Variants in KCNIP4 observed in about 807,000 individuals in gnomAD.
The protein encoded by KCNIP4 is Kv channel-interacting protein 4.
KCNIP4 carries 12 observed loss-of-function variants against 34.0 expected under a neutral mutation model. The observed-to-expected ratio is 0.35, with a 90% CI of 0.23 to 0.57. The LOEUF is 0.57. Ranked by LOEUF, KCNIP4 falls within the 20% of genes least tolerant of loss-of-function variation. KCNIP4 has a pLI of 0.83. For missense variants in KCNIP4, 238 were observed against 311.7 expected, an observed-to-expected ratio of 0.76 and a Z score of 1.78; for synonymous variants, 124 against 102.2, an observed-to-expected ratio of 1.21 and a Z score of -1.29.
intron 1 of KCNIP4, among the ~76,000 whole-genome samples, chr4:21,355,426 G>A (rs1214281006): frequency 1.3e-5 from 2 of 152,030 alleles, no homozygotes; most frequent in Non-Finnish European, 2.9e-5. Context: ...AAGAAGAAAA[G>A]AGAGAAGAAT....
At chr4:20,801,104 C>T (rs1341690387) in intron 3 of KCNIP4, among the ~76,000 whole-genome samples, 1 of 152,074 alleles carries the variant, frequency 6.6e-6, no homozygotes, top group Non-Finnish European at 1.5e-5. Context: ...AGAAACTTTG[C>T]AGACAAGGAG....
intron 1 of KCNIP4, among the ~76,000 whole-genome samples, chr4:21,123,071 G>A (rs1207045536): frequency 2.6e-5 from 4 of 152,022 alleles, no homozygotes; most frequent in East Asian, 1.9e-4. Flanking sequence ...AAAATTAACC[G>A]GACTTGGTGG....
chr4:21,830,285 A>T (rs1722903665), intron 1 of KCNIP4, among the ~76,000 whole-genome samples: 1 of 152,180 alleles, frequency 6.6e-6, no homozygotes, highest in South Asian at 2.1e-4. Context: ...CATCAGGAGA[A>T]TATAACAATT....
At chr4:20,989,955 TCAAAAACAAAA>T (rs1429054859) in intron 1 of KCNIP4, among the ~76,000 whole-genome samples, 2 of 152,016 alleles carry the variant, frequency 1.3e-5, no homozygotes, top group African/African-American at 2.4e-5. Flanking sequence ...AGACCCTGTC[TCAAAAACAAAA>T]CAAAAACAAA....
intron 1 of KCNIP4, among the ~76,000 whole-genome samples, chr4:21,026,845 G>A (rs534972476): frequency 3.2e-4 from 48 of 152,212 alleles, no homozygotes; most frequent in Admixed American, 2.7e-3. Context: ...AGGTGACAAT[G>A]GCCAGTCATA....
intron 1 of KCNIP4, among the ~76,000 whole-genome samples, chr4:21,010,198 A>C (rs1738946261): frequency 6.6e-6 from 1 of 152,192 alleles, no homozygotes; most frequent in African/African-American, 2.4e-5. Context: ...CCAAACAATG[A>C]AAAAGCACAA....
chr4:21,616,224 C>T (rs1744595530), intron 1 of KCNIP4, among the ~76,000 whole-genome samples: 1 of 152,094 alleles, frequency 6.6e-6, no homozygotes, highest in Non-Finnish European at 1.5e-5. Flanking sequence ...AATGTTTTTC[C>T]AAGACTGATA....
At chr4:20,981,529 T>C (rs116374154) in intron 1 of KCNIP4, among the ~76,000 whole-genome samples, 210 of 152,336 alleles carry the variant, frequency 1.4e-3, no homozygotes, top group African/African-American at 4.8e-3. Context: ...GGAAAAGCAC[T>C]GTGTAGGATT....
intron 1 of KCNIP4, among the ~76,000 whole-genome samples, chr4:21,050,350 G>A (rs989696518): frequency 2.0e-5 from 3 of 151,906 alleles, no homozygotes; most frequent in Admixed American, 2.0e-4. Context: ...TAAAATAATT[G>A]GAGAGTAAAT....
intron 1 of KCNIP4, among the ~76,000 whole-genome samples, chr4:21,483,514 G>A (rs996562603): frequency 1.3e-5 from 2 of 152,072 alleles, no homozygotes; most frequent in South Asian, 2.1e-4. Flanking sequence ...TGTGGGCCGG[G>A]CGTGGTGGTG....
intron 1 of KCNIP4, among the ~76,000 whole-genome samples, chr4:21,915,225 C>T (rs1268373516): frequency 6.6e-6 from 1 of 152,144 alleles, no homozygotes; most frequent in Non-Finnish European, 1.5e-5. Flanking sequence ...TAAAATTTTA[C>T]TCACAAAATT....
chr4:21,479,152 C>T lies in KCNIP4; in HGVS notation c.61+469419G>A, dbSNP rs76148634. Among the ~76,000 whole-genome samples the T allele has an allele frequency of 4.0e-3, 603 of 152,238 alleles. 5 individuals carry two copies. The highest frequency in any genetic ancestry group is 0.014 in the African/African-American group (579 of 41,556). The stretch of plus-strand genomic sequence containing the variant: ...ATTCAAAGCAAACCAAAATGTGGGC[C>T]AGCCCAGTATCTGCAGGGCATAAGT... On this transcript the variant is annotated intron_variant, in intron 1 of 8. Coordinates refer to ENST00000382152, the MANE Select transcript of KCNIP4 (RefSeq NM_025221.6).
chr4:21,155,228 T>C (rs1037910847), intron 1 of KCNIP4, among the ~76,000 whole-genome samples: 4 of 152,124 alleles, frequency 2.6e-5, no homozygotes, highest in Non-Finnish European at 5.9e-5. Context: ...GAAATTAATA[T>C]CCATCGGTTT....
chr4:20,819,018 G>A (rs563744970), intron 3 of KCNIP4, among the ~76,000 whole-genome samples: 53 of 144,948 alleles, frequency 3.7e-4, no homozygotes, highest in Admixed American at 6.5e-4. Context: ...CTGAGTAGCT[G>A]GGGTTACAGG....
chr4:21,730,601 A>C (rs1398136284), intron 1 of KCNIP4, among the ~76,000 whole-genome samples: 2 of 152,192 alleles, frequency 1.3e-5, no homozygotes, highest in Non-Finnish European at 2.9e-5. Flanking sequence ...ATGAAAAATA[A>C]GTTTCATGAG....
chr4:21,571,804 A>C (rs968806309), intron 1 of KCNIP4, among the ~76,000 whole-genome samples: 5 of 152,176 alleles, frequency 3.3e-5, no homozygotes, highest in Non-Finnish European at 7.3e-5. Flanking sequence ...GTGTCCACAC[A>C]AATGCAAAAT....
chr4:21,830,087 C>T (rs765121619), intron 1 of KCNIP4, among the ~76,000 whole-genome samples: 1 of 152,070 alleles, frequency 6.6e-6, no homozygotes, highest in African/African-American at 2.4e-5. Flanking sequence ...GTACATGCAG[C>T]CTACCTACCA....
Position 21,021,249 on chromosome 4 carries a change from C to T in KCNIP4, c.62-138540G>A, listed in dbSNP as rs192191137. 1.9e-3 allele frequency among the ~76,000 whole-genome samples: 289 copies of T among 152,216 alleles called. 6 individuals are homozygous for T. The South Asian group carries it at 0.053, about 28-fold the overall frequency. On this transcript the variant is annotated intron_variant, in intron 1 of 8. Transcript: ENST00000382152. ...GTCCAAAAATAATACACCTGTATAGCACATTTACTGTGAATGGAGCTTGTA... is the reference window on the plus strand; with the variant it reads ...GTCCAAAAATAATACACCTGTATAGTACATTTACTGTGAATGGAGCTTGTA...
At chr4:21,320,219 C>G (rs1225351419) in intron 1 of KCNIP4, among the ~76,000 whole-genome samples, 1 of 152,168 alleles carries the variant, frequency 6.6e-6, no homozygotes, top group African/African-American at 2.4e-5. Context: ...TTCAAGGAAG[C>G]AGATAAGCAG....
Sources: allele counts gnomAD v4.1 joint callset (sites outside exome capture counted in the v4.1 genomes callset), GRCh38; gene constraint gnomAD v4.1.1; transcripts MANE v1.5; gene names NCBI Gene and HGNC (gene_info 2026-07-23, HGNC 2026-07-21).